RAD51B: variants seen among roughly 807,000 people sequenced by gnomAD.
RAD51B encodes the protein RAD51 paralog B, also known as DNA repair protein RAD51 homolog 2.
In RAD51B, 38 loss-of-function variants were observed where a neutral mutation model predicts 42.2. The observed-to-expected ratio is 0.90, with a 90% CI of 0.70 to 1.18. The LOEUF (loss-of-function observed/expected upper bound fraction) is 1.18, where lower values mean the gene tolerates loss of function less well. Among genes scored for constraint, RAD51B ranks in the 50% most tolerant of loss-of-function variants. The pLI is 0.00. For missense variants in RAD51B, 373 were observed against 400.7 expected (o/e 0.93, Z 0.59); for synonymous variants, 154 against 145.2 (o/e 1.06, Z -0.43).
chr14:68,267,090 G>A (rs931875710), intron 7 of RAD51B, among the ~76,000 whole-genome samples: 1 of 152,158 alleles, frequency 6.6e-6, no homozygotes, highest in Non-Finnish European at 1.5e-5. Flanking sequence ...GTCTAACCCA[G>A]TGCATTGCCT....
At chr14:67,833,460 T>C (rs991720104) in intron 3 of RAD51B, among the ~76,000 whole-genome samples, 2 of 152,230 alleles carry the variant, frequency 1.3e-5, no homozygotes, top group Non-Finnish European at 2.9e-5. Flanking sequence ...TCACAGGGAA[T>C]ATGTTTCAAG....
chr14:68,511,170 G>A (rs1343145725), intron 10 of RAD51B, among the ~76,000 whole-genome samples: 4 of 152,222 alleles, frequency 2.6e-5, no homozygotes, highest in African/African-American at 9.6e-5. Context: ...TCTAGGAGTG[G>A]AAGAAATGGT....
chr14:68,151,268 CTG>C (rs1255517465), intron 7 of RAD51B, among the ~76,000 whole-genome samples: 3 of 151,730 alleles, frequency 2.0e-5, no homozygotes, highest in Non-Finnish European at 4.4e-5. Context: ...TGACTAGAAA[CTG>C]TGCTTATCCT....
chr14:68,275,344 C>T (rs1252957083), intron 7 of RAD51B, among the ~76,000 whole-genome samples: 1 of 151,992 alleles, frequency 6.6e-6, no homozygotes, highest in African/African-American at 2.4e-5. Flanking sequence ...ATTTGAACCT[C>T]TAGTTGAGCT....
intron 10 of RAD51B, among the ~76,000 whole-genome samples, chr14:68,604,677 C>T (rs979661959): frequency 3.9e-5 from 6 of 152,198 alleles, no homozygotes; most frequent in African/African-American, 1.4e-4. Context: ...TCTAAGTCAT[C>T]GAAGGTCAAG....
intron 7 of RAD51B, among the ~76,000 whole-genome samples, chr14:68,017,914 T>C (rs1304312461): frequency 6.6e-6 from 1 of 152,074 alleles, no homozygotes; most frequent in Non-Finnish European, 1.5e-5. Context: ...GAGATTGCAG[T>C]GAGCTGAGAT....
intron 8 of RAD51B, among the ~76,000 whole-genome samples, chr14:68,355,212 A>C (rs2139888256): frequency 6.6e-6 from 1 of 152,298 alleles, no homozygotes; most frequent in Non-Finnish European, 1.5e-5. Context: ...TTTTGGAGAC[A>C]TATTTGTTTG....
chr14:68,604,924 C>T (rs1891384583), intron 10 of RAD51B, among the ~76,000 whole-genome samples: 1 of 152,200 alleles, frequency 6.6e-6, no homozygotes, highest in Admixed American at 6.5e-5. Context: ...TCCATCCCCT[C>T]AGCTTTTCAG....
intron 7 of RAD51B, among the ~76,000 whole-genome samples, chr14:67,984,995 G>A (rs369615059): frequency 5.9e-5 from 9 of 152,146 alleles, no homozygotes; most frequent in Admixed American, 2.6e-4. Flanking sequence ...AGAAACCACC[G>A]ATCTAATTGT....
At chr14:68,665,647 T>C (rs1893017989) in intron 11 of RAD51B, among the ~76,000 whole-genome samples, 1 of 152,216 alleles carries the variant, frequency 6.6e-6, no homozygotes, top group African/African-American at 2.4e-5. Context: ...TGGAAAGGGA[T>C]CATGGGGCAG....
In RAD51B at chr14:68,625,113, C is replaced by T. The variant is rs138319623; in HGVS notation, c.1037-25668C>T. Among the ~76,000 whole-genome samples the T allele has an allele frequency of 3.4e-3, 520 of 152,270 alleles. 1 individual carries two copies. Among genetic ancestry groups the T allele is most frequent in the Non-Finnish European group, 5.5e-3 (372 of 68,006 alleles). ...GAGCTGGGACCTGGACTAGTCCCAGCCCTAGTGCCCACACTCATACCACCT... is the reference window on the plus strand; with the variant it reads ...GAGCTGGGACCTGGACTAGTCCCAGTCCTAGTGCCCACACTCATACCACCT... On this transcript the variant is annotated intron_variant, in intron 10 of 11. Coordinates refer to the RAD51B transcript ENST00000488612.
At chr14:68,274,332 TCTTC>T (rs575170813) in intron 7 of RAD51B, among the ~76,000 whole-genome samples, 3 of 152,136 alleles carry the variant, frequency 2.0e-5, no homozygotes, top group Non-Finnish European at 2.9e-5. Context: ...ACATTTACTT[TCTTC>T]CTTCCTTTCT....
chr14:68,346,615 T>C (rs1313568339), intron 8 of RAD51B, among the ~76,000 whole-genome samples: 2 of 152,248 alleles, frequency 1.3e-5, no homozygotes, highest in Non-Finnish European at 2.9e-5. Flanking sequence ...CTGTAGCATG[T>C]CCAAAGTGTT....
Position 68,489,382 on chromosome 14 carries a change from A to G in RAD51B, c.1036+21132A>G, listed in dbSNP as rs1883896735. Among the ~76,000 whole-genome samples, 4 of 152,320 alleles carry G rather than the reference A, an allele frequency of 2.6e-5. 1 individual carries two copies. The South Asian group carries it at 8.3e-4, about 32-fold the overall frequency. On this transcript the variant is annotated intron_variant, in intron 10 of 10. Coordinates refer to the RAD51B transcript ENST00000487270. ...TTTGTGATCTCAGGCAATTATGCAT[A>G]TAATTCTTAGAGTTATTATAAGGTT... is the stretch of plus-strand genomic sequence containing the variant.
intron 7 of RAD51B, among the ~76,000 whole-genome samples, chr14:67,941,632 G>C (rs965749174): frequency 6.6e-6 from 1 of 152,190 alleles, no homozygotes; most frequent in Non-Finnish European, 1.5e-5. Context: ...CGGGCTCTGT[G>C]TCAGGACTGG....
chr14:68,219,719 G>C (rs981412369), intron 7 of RAD51B, among the ~76,000 whole-genome samples: 1 of 152,036 alleles, frequency 6.6e-6, no homozygotes, highest in Non-Finnish European at 1.5e-5. Flanking sequence ...CTCTGACATC[G>C]TCTACCCAAA....
chr14:68,220,453 A>G (rs1193921274), intron 7 of RAD51B, among the ~76,000 whole-genome samples: 1 of 152,218 alleles, frequency 6.6e-6, no homozygotes, highest in Non-Finnish European at 1.5e-5. Context: ...ATCGGCATAG[A>G]AGGGACACAC....
At chr14:68,012,986 A>G (rs935026561) in intron 7 of RAD51B, among the ~76,000 whole-genome samples, 1 of 152,324 alleles carries the variant, frequency 6.6e-6, no homozygotes, top group African/African-American at 2.4e-5. Flanking sequence ...TTACCCCACA[A>G]CTTAGTGGCA....
intron 7 of RAD51B, among the ~76,000 whole-genome samples, chr14:68,280,149 C>T (rs1054394854): frequency 1.3e-5 from 2 of 152,196 alleles, no homozygotes. Flanking sequence ...CATGGTTCCT[C>T]CTGCCTGAAG....
Sources: allele counts gnomAD v4.1 joint callset (sites outside exome capture counted in the v4.1 genomes callset), GRCh38; gene constraint gnomAD v4.1.1; transcripts MANE v1.5; gene names NCBI Gene and HGNC (gene_info 2026-07-23, HGNC 2026-07-21).